ARHGAP15: variants seen among roughly 807,000 people sequenced by gnomAD.
The protein encoded by ARHGAP15 is rho GTPase-activating protein 15.
In ARHGAP15, 51 loss-of-function variants were observed where a neutral mutation model predicts 63.7. The ratio of observed to expected loss-of-function variants is 0.80; its 90% confidence interval spans 0.64 to 1.01. The LOEUF is 1.01. ARHGAP15 is among the 50% of genes least tolerant of loss of function. The pLI is 0.00. For synonymous variants in ARHGAP15, 191 were observed against 193.8 expected (o/e 0.99, Z 0.12); for missense variants, 560 against 564.6 (o/e 0.99, Z 0.08).
intron 1 of ARHGAP15, among the ~76,000 whole-genome samples, chr2:143,145,740 C>A (rs568614154): frequency 3.9e-5 from 6 of 151,968 alleles, no homozygotes; most frequent in Non-Finnish European, 8.8e-5. Context: ...CCACGTGTGG[C>A]TAGGAGAGCT....
At chr2:143,418,275 C>G (rs539410889) in intron 6 of ARHGAP15, among the ~76,000 whole-genome samples, 1 of 152,258 alleles carries the variant, frequency 6.6e-6, no homozygotes, top group East Asian at 1.9e-4. Flanking sequence ...TGTGCTGAGC[C>G]TTTCCTTTCT....
intron 6 of ARHGAP15, among the ~76,000 whole-genome samples, chr2:143,406,760 G>A (rs1047377466): frequency 5.3e-5 from 8 of 151,894 alleles, no homozygotes; most frequent in Non-Finnish European, 8.8e-5. Flanking sequence ...TTAGCACAAA[G>A]TTTATTTCTT....
chr2:143,198,800 A>T (rs1691990403), intron 2 of ARHGAP15, among the ~76,000 whole-genome samples: 1 of 152,148 alleles, frequency 6.6e-6, no homozygotes. Context: ...CCAAGTGCCC[A>T]CTCATCAATA....
chr2:143,332,203 C>T lies in ARHGAP15; in HGVS notation c.474+81603C>T, dbSNP rs185707409. Among the ~76,000 whole-genome samples the T allele has an allele frequency of 1.9e-3, 287 of 152,202 alleles. 1 individual carries two copies. Among genetic ancestry groups the T allele is most frequent in the Middle Eastern group, 3.4e-3 (1 of 294 alleles). ...GTCCTGGGAACTGGTTATACAAATACATTATTTCTTCTCTTTGAAATGAGT... is the reference window on the plus strand; with the variant it reads ...GTCCTGGGAACTGGTTATACAAATATATTATTTCTTCTCTTTGAAATGAGT... On this transcript the variant is annotated intron_variant, in intron 6 of 13. Transcript: ENST00000295095.
At chr2:143,231,408 A>G (rs912053172) in intron 5 of ARHGAP15, among the ~76,000 whole-genome samples, 3 of 152,144 alleles carry the variant, frequency 2.0e-5, no homozygotes, top group African/African-American at 7.2e-5. Flanking sequence ...GACCTCCAAA[A>G]GAATGTATCC....
chr2:143,705,185 T>C (rs1008869671), intron 13 of ARHGAP15, among the ~76,000 whole-genome samples: 4 of 152,168 alleles, frequency 2.6e-5, no homozygotes, highest in Non-Finnish European at 5.9e-5. Context: ...GTTCATTGCG[T>C]TAGGGAACAT....
At chr2:143,528,963 T>G (rs1694406809) in intron 10 of ARHGAP15, among the ~76,000 whole-genome samples, 1 of 152,140 alleles carries the variant, frequency 6.6e-6, no homozygotes, top group Non-Finnish European at 1.5e-5. Flanking sequence ...CTACTGGTTT[T>G]CTCAGGGTGA....
intron 6 of ARHGAP15, among the ~76,000 whole-genome samples, chr2:143,282,856 CTACTT>C (rs1681918274): frequency 6.6e-6 from 1 of 152,158 alleles, no homozygotes; most frequent in South Asian, 2.1e-4. Flanking sequence ...GCTTCCTCCT[CTACTT>C]TACAAATCAT....
At chr2:143,671,089 CAT>C (rs753886176) in intron 12 of ARHGAP15, among the ~76,000 whole-genome samples, 3 of 152,256 alleles carry the variant, frequency 2.0e-5, no homozygotes, top group East Asian at 1.9e-4. Context: ...AGCTAAATAA[CAT>C]AGTCTATGTA....
At chr2:143,293,759 C>A (rs1375883834) in intron 6 of ARHGAP15, among the ~76,000 whole-genome samples, 1 of 151,944 alleles carries the variant, frequency 6.6e-6, no homozygotes, top group Non-Finnish European at 1.5e-5. Flanking sequence ...TGTTTTGCAA[C>A]TATTAAGTGT....
At chr2:143,253,817 A>G (rs540123510) in intron 6 of ARHGAP15, among the ~76,000 whole-genome samples, 1 of 152,020 alleles carries the variant, frequency 6.6e-6, no homozygotes, top group East Asian at 1.9e-4. Context: ...CACACCTAAT[A>G]GCTTGACCTT....
At chr2:143,529,860 A>G (rs1694446732) in intron 10 of ARHGAP15, among the ~76,000 whole-genome samples, 2 of 152,120 alleles carry the variant, frequency 1.3e-5, no homozygotes, top group Non-Finnish European at 2.9e-5. Context: ...TTTTCCTAAT[A>G]GAGCCCTTAT....
At chr2:143,577,104 C>T (rs1574655349) in intron 11 of ARHGAP15, among the ~76,000 whole-genome samples, 1 of 152,122 alleles carries the variant, frequency 6.6e-6, no homozygotes, top group Non-Finnish European at 1.5e-5. Flanking sequence ...TTACTTTGGG[C>T]TCAGGTTGGT....
chr2:143,424,199 A>T (rs925504927), intron 6 of ARHGAP15, among the ~76,000 whole-genome samples: 1 of 152,056 alleles, frequency 6.6e-6, no homozygotes, highest in African/African-American at 2.4e-5. Context: ...TGAGAATCAG[A>T]CTTACAAAGA....
chr2:143,305,814 T>G (rs1683141545), intron 6 of ARHGAP15, among the ~76,000 whole-genome samples: 1 of 152,092 alleles, frequency 6.6e-6, no homozygotes, highest in African/African-American at 2.4e-5. Context: ...CTGGTTCTTC[T>G]ATACAAATGG....
intron 6 of ARHGAP15, among the ~76,000 whole-genome samples, chr2:143,251,222 C>T (rs986380919): frequency 3.3e-5 from 5 of 151,798 alleles, no homozygotes. Context: ...CGTGATTTAT[C>T]TGGTAATTAA....
At chr2:143,576,659 C>T (rs1696693352) in intron 11 of ARHGAP15, among the ~76,000 whole-genome samples, 1 of 151,860 alleles carries the variant, frequency 6.6e-6, no homozygotes, top group South Asian at 2.1e-4. Context: ...CAGCAAAGAA[C>T]AGGAAATATC....
intron 6 of ARHGAP15, among the ~76,000 whole-genome samples, chr2:143,432,543 A>G (rs75657634): frequency 0.1 from 15,302 of 152,112 alleles, 1,001 homozygotes; most frequent in South Asian, 0.17. Flanking sequence ...TACCAAGGAC[A>G]CAGACTATTC....
rs576175918 is a variant in ARHGAP15 at position 143,731,909 on chromosome 2, T to C, written c.1244+28385T>C. On this transcript the variant is annotated intron_variant, in intron 13 of 13. Coordinates refer to ENST00000295095, the MANE Select transcript of ARHGAP15 (RefSeq NM_018460.4). ...AAATCTAGCATCCAGAGAGAAGGTG[T>C]TATTTTCCTAGATCAACCAACTAAA... is the stretch of plus-strand genomic sequence containing the variant. 2.1e-4 allele frequency among the ~76,000 whole-genome samples: 32 copies of C among 152,320 alleles called. No individual in the cohort carries two copies. The East Asian group carries it at 5.6e-3, about 27-fold the overall frequency.
Sources: allele counts gnomAD v4.1 joint callset (sites outside exome capture counted in the v4.1 genomes callset), GRCh38; gene constraint gnomAD v4.1.1; transcripts MANE v1.5; gene names NCBI Gene and HGNC (gene_info 2026-07-23, HGNC 2026-07-21).